The following CNTN4 variants were observed in gnomAD, a reference collection of about 807,000 sequenced individuals.
CNTN4 encodes the protein contactin 4.
In CNTN4, 77 loss-of-function variants were observed where a neutral mutation model predicts 122.5. The ratio of observed to expected loss-of-function variants is 0.63; its 90% CI spans 0.52 to 0.76. CNTN4 has a LOEUF of 0.76. CNTN4 is among the 30% of genes least tolerant of loss of function. The pLI is 0.00. For synonymous variants in CNTN4, 512 were observed against 447.0 expected (o/e 1.15, Z -1.83); for missense variants, 1,256 against 1,259.1 (o/e 1.00, Z 0.04).
At chr3:2,757,623 C>T (rs1020002897) in intron 6 of CNTN4, among the ~76,000 whole-genome samples, 1 of 152,162 alleles carries the variant, frequency 6.6e-6, no homozygotes, top group African/African-American at 2.4e-5. Flanking sequence ...GCACCTTTCC[C>T]GGAGTAGGCT....
intron 2 of CNTN4, among the ~76,000 whole-genome samples, chr3:2,123,150 C>G (rs950281180): frequency 1.3e-4 from 20 of 152,322 alleles, no homozygotes; most frequent in African/African-American, 4.3e-4. Context: ...AATTATAGCT[C>G]TTGTTGAGCA....
At chr3:2,556,055 AGT>A (rs2078708212) in intron 3 of CNTN4, among the ~76,000 whole-genome samples, 1 of 152,236 alleles carries the variant, frequency 6.6e-6, no homozygotes, top group Non-Finnish European at 1.5e-5. Context: ...TCTGTTTGCT[AGT>A]GTAAACATTA....
At position 2,296,513 on chromosome 3, in the gene CNTN4, A is replaced by G. The variant is rs1289784712; in HGVS notation, c.-144-42665A>G. Among the ~76,000 whole-genome samples, 3 of 152,146 alleles carry G rather than the reference A, an allele frequency of 2.0e-5. No individual in the cohort carries two copies. In the East Asian group the frequency reaches 5.8e-4, roughly 29 times the overall value. On this transcript the variant is annotated intron_variant, in intron 2 of 24. Transcript: ENST00000418658. ...AAAAAAGAGGATGTCACTGTAATAT[A>G]CCATAATTGACAAGTAATAACTATT...
rs137969998 is a variant in CNTN4 at position 2,447,197 on chromosome 3, A to G, written c.-89+107964A>G. On this transcript the variant is annotated intron_variant, in intron 3 of 24. Coordinates refer to ENST00000418658, the MANE Select transcript of CNTN4 (RefSeq NM_175607.3). ...TTCTTGATTAGTTGTTCATAGGTGT[A>G]TCTTTTCCCAGTACCCCACCTCCCT... 2.6e-3 allele frequency among the ~76,000 whole-genome samples: 393 copies of G among 152,216 alleles called. 2 individuals carry two copies. Among genetic ancestry groups the G allele is most frequent in the African/African-American group, 9.2e-3 (384 of 41,522 alleles).
At chr3:2,945,044 G>A (rs1335707486) in intron 13 of CNTN4, among the ~76,000 whole-genome samples, 3 of 152,146 alleles carry the variant, frequency 2.0e-5, no homozygotes, top group Non-Finnish European at 4.4e-5. Context: ...CTTAGTGGAG[G>A]CAGTTCCCCG....
chr3:2,585,271 G>A (rs554107593), intron 4 of CNTN4, among the ~76,000 whole-genome samples: 13 of 151,924 alleles, frequency 8.6e-5, no homozygotes, highest in Non-Finnish European at 1.6e-4. Flanking sequence ...CATTGTGGAA[G>A]TCAGAGTGGC....
intron 3 of CNTN4, among the ~76,000 whole-genome samples, chr3:2,417,064 T>C (rs1300886279): frequency 1.3e-5 from 2 of 152,212 alleles, no homozygotes; most frequent in African/African-American, 4.8e-5. Context: ...AAATAAGGGC[T>C]TCAGCTCCCT....
intron 2 of CNTN4, among the ~76,000 whole-genome samples, chr3:2,161,857 A>G (rs2035979539): frequency 6.6e-6 from 1 of 152,204 alleles, no homozygotes. Context: ...GTGTTCTTCC[A>G]CGACAGTAAT....
chr3:2,326,529 A>AC (rs1559455091), intron 2 of CNTN4, among the ~76,000 whole-genome samples: 2 of 100,200 alleles, frequency 2.0e-5, no homozygotes, highest in Admixed American at 9.4e-5. Flanking sequence ...CACACACACA[A>AC]TCTTACTGAT....
At chr3:2,862,651 A>C (rs1390754434) in intron 7 of CNTN4, among the ~76,000 whole-genome samples, 2 of 152,216 alleles carry the variant, frequency 1.3e-5, no homozygotes, top group African/African-American at 4.8e-5. Flanking sequence ...AAAACTTATC[A>C]AAAGAAATCT....
chr3:2,864,747 A>AAAAAAAAAAAAAAAG (rs1340443344), intron 7 of CNTN4, among the ~76,000 whole-genome samples: 1 of 150,098 alleles, frequency 6.7e-6, no homozygotes, highest in East Asian at 2.0e-4. Context: ...TCTCAAAAAA[A>AAAAAAAAAAAAAAAG]AAAAAAAAGT....
At chr3:3,033,808 C>T (rs963986124) in intron 16 of CNTN4, among the ~76,000 whole-genome samples, 2 of 152,136 alleles carry the variant, frequency 1.3e-5, no homozygotes, top group African/African-American at 4.8e-5. Flanking sequence ...GCTTTCCATC[C>T]CTCTATTTCT....
intron 12 of CNTN4, among the ~76,000 whole-genome samples, chr3:2,912,227 A>G (rs974750479): frequency 6.6e-6 from 1 of 152,240 alleles, no homozygotes; most frequent in African/African-American, 2.4e-5. Flanking sequence ...TGCATCTGTA[A>G]GATTATCAAC....
chr3:2,435,164 A>G (rs9878431), intron 3 of CNTN4, among the ~76,000 whole-genome samples: 56,399 of 151,988 alleles, frequency 0.37, 11,736 homozygotes, highest in East Asian at 0.77. Flanking sequence ...TAATTCTACC[A>G]ATTAATTACC....
At chr3:2,707,605 CTTAA>C (rs1419079320) in intron 4 of CNTN4, among the ~76,000 whole-genome samples, 2 of 151,704 alleles carry the variant, frequency 1.3e-5, no homozygotes, top group African/African-American at 4.8e-5. Flanking sequence ...GTTATTTTAA[CTTAA>C]TTAAATATTG....
chr3:2,422,997 C>T lies in CNTN4; in HGVS notation c.-89+83764C>T, dbSNP rs186987019. 2.1e-3 allele frequency among the ~76,000 whole-genome samples: 324 copies of T among 152,294 alleles called. 2 individuals carry two copies. The highest frequency in any genetic ancestry group is 7.1e-3 in the African/African-American group (297 of 41,558). On this transcript the variant is annotated intron_variant, in intron 3 of 24. Transcript: ENST00000418658. ...AAAAGCAGCATTGGCTTTAGTTGCC[C>T]TCTTTTTCACATTAACTTAGGGTTT... is the stretch of plus-strand genomic sequence containing the variant.
chr3:2,550,026 C>A (rs2078421605), intron 3 of CNTN4, among the ~76,000 whole-genome samples: 1 of 152,096 alleles, frequency 6.6e-6, no homozygotes, highest in African/African-American at 2.4e-5. Context: ...GTTTATATTT[C>A]TGCGGTGTCA....
chr3:2,820,413 C>G (rs1036772814), intron 7 of CNTN4, among the ~76,000 whole-genome samples: 3 of 152,154 alleles, frequency 2.0e-5, no homozygotes, highest in African/African-American at 7.2e-5. Context: ...GGATCCTCCC[C>G]ACATGTAGAT....
intron 13 of CNTN4, among the ~76,000 whole-genome samples, chr3:2,976,581 C>A (rs567506997): frequency 6.8e-4 from 104 of 152,246 alleles, no homozygotes; most frequent in African/African-American, 2.5e-3. Context: ...AGGTGTCTTC[C>A]TATTGACCTA....
Sources: allele counts gnomAD v4.1 joint callset (sites outside exome capture counted in the v4.1 genomes callset), GRCh38; gene constraint gnomAD v4.1.1; transcripts MANE v1.5; gene names NCBI Gene and HGNC (gene_info 2026-07-23, HGNC 2026-07-21).